The following ZNF540 variants were observed in gnomAD, a reference collection of about 807,000 sequenced individuals.
The protein encoded by ZNF540 is zinc finger protein 540.
A neutral mutation model predicts 11.8 loss-of-function variants in ZNF540; 3 were observed. The ratio of observed to expected loss-of-function variants is 0.25; its 90% CI spans 0.12 to 0.65. The LOEUF is 0.65. Ranked by LOEUF, ZNF540 falls within the 30% of genes least tolerant of loss-of-function variation. ZNF540 has a pLI of 0.83. For synonymous variants in ZNF540, 247 were observed against 259.0 expected (o/e 0.95, Z 0.45); for missense variants, 709 against 793.1 (o/e 0.89, Z 1.27).
At chr19:37,557,980 A>C (rs527846099) in intron 1 of ZNF540, among the ~76,000 whole-genome samples, 3 of 152,210 alleles carry the variant, frequency 2.0e-5, no homozygotes, top group African/African-American at 7.2e-5. Flanking sequence ...CCAGGGTCCT[A>C]AGGTCTGAGT....
chr19:37,563,589 TATGGAATACATATATGCATACATAC>T (rs1285108986), intron 1 of ZNF540: 1 of 152,062 alleles, frequency 6.6e-6, no homozygotes, highest in Admixed American at 6.6e-5. Flanking sequence ...TATATACATA[TATGGAATACATATATGCATACATAC>T]ATGGAATGTA....
intron 1 of ZNF540, chr19:37,565,879 A>C: frequency 6.2e-7 from 1 of 1,613,942 alleles, no homozygotes; most frequent in Non-Finnish European, 8.5e-7. Flanking sequence ...TCTGATGTTG[A>C]ATATAGCTTG....
intron 1 of ZNF540, among the ~76,000 whole-genome samples, chr19:37,597,244 G>T (rs1046592288): frequency 6.6e-6 from 1 of 151,928 alleles, no homozygotes; most frequent in East Asian, 1.9e-4. Context: ...GAGGGTGAAT[G>T]ATGTCCTGCA....
chr19:37,612,632 G>A lies in ZNF540; in HGVS notation c.1352G>A (p.Arg451His), dbSNP rs749623515. ...GAATGCGGGAAAGCCTTTATGCTTC[G>A]TTCAGTCCTTACTGAACATCAGAGA... ...CKECGKAFML[R>H]SVLTEHQRLH... Residue 451 changes from arginine to histidine, a missense_variant, in exon 5 of 5, where the codon CGT (arginine) becomes CAT (histidine). Transcript: ENST00000316433. 2.2e-5 allele frequency: 35 copies of A among 1,613,904 alleles called. No individual in the cohort carries two copies. Among genetic ancestry groups the A allele is most frequent in the Middle Eastern group, 1.6e-4 (1 of 6,084 alleles).
At chr19:37,599,860 C>T (rs1025976142) in intron 3 of ZNF540, 108 bp downstream of exon 3, 11 of 1,246,960 alleles carry the variant, frequency 8.8e-6, no homozygotes, top group Non-Finnish European at 1.1e-5. Context: ...TTTCTTCTCT[C>T]TTCCTCAAGG....
chr19:37,559,930 T>TAAAC (rs2042699292), intron 1 of ZNF540, among the ~76,000 whole-genome samples: 1 of 152,132 alleles, frequency 6.6e-6, no homozygotes, highest in South Asian at 2.1e-4. Context: ...CATCAAAAAA[T>TAAAC]AAACACGAAA....
At chr19:37,553,924 C>A (rs541612450) in intron 1 of ZNF540, among the ~76,000 whole-genome samples, 3 of 152,166 alleles carry the variant, frequency 2.0e-5, no homozygotes, top group African/African-American at 7.2e-5. Flanking sequence ...AATTTCCATT[C>A]GTATGTATGA....
At chr19:37,557,128 C>T (rs1338366839) in intron 1 of ZNF540, among the ~76,000 whole-genome samples, 1 of 152,172 alleles carries the variant, frequency 6.6e-6, no homozygotes, top group East Asian at 1.9e-4. Context: ...AAGGTGTCTA[C>T]TAGTACTAGA....
intron 1 of ZNF540, among the ~76,000 whole-genome samples, chr19:37,582,159 C>T (rs1407383976): frequency 6.6e-6 from 1 of 152,164 alleles, no homozygotes; most frequent in African/African-American, 2.4e-5. Flanking sequence ...CACTGTCCCA[C>T]TCTAGTTTTT....
intron 1 of ZNF540, chr19:37,584,302 C>T: frequency 1.7e-6 from 1 of 583,408 alleles, no homozygotes. Flanking sequence ...ATTCCATTAT[C>T]CAGAAAGGTC....
At position 37,612,126 on chromosome 19, in the gene ZNF540, T is replaced by G. The variant is rs775011517; in HGVS notation, c.846T>G (p.Ser282Arg). The G allele has an allele frequency of 2.5e-6, 4 of 1,611,540 alleles. No homozygotes were observed. In the South Asian group the frequency reaches 4.4e-5, roughly 18 times the overall value. ...AGAAATGTGATAAGGGTTTTTTTAGTAGATTAGAACTTACTCAACATAAAA... is the reference window on the plus strand; with the variant it reads ...AGAAATGTGATAAGGGTTTTTTTAGGAGATTAGAACTTACTCAACATAAAA... The part of the protein sequence containing the change: ...MCKKCDKGFF[S>R]RLELTQHKRI... The change falls in exon 5 of 5, where the codon AGT becomes AGG. Residue 282 changes from serine to arginine, a missense_variant. By Grantham distance (110) the Ser-to-Arg change is moderately radical (BLOSUM62 -1). Transcript: ENST00000316433.
intron 1 of ZNF540, among the ~76,000 whole-genome samples, chr19:37,579,890 T>C (rs923306128): frequency 6.6e-6 from 1 of 152,212 alleles, no homozygotes; most frequent in Non-Finnish European, 1.5e-5. Context: ...CTGATATTTT[T>C]GTCTATCCAA....
intron 1 of ZNF540, among the ~76,000 whole-genome samples, chr19:37,572,608 A>G (rs2043102190): frequency 6.6e-6 from 1 of 152,194 alleles, no homozygotes. Context: ...TATACGCCGC[A>G]GATAAGGGGG....
chr19:37,606,797 A>G (rs1055610074), intron 4 of ZNF540, among the ~76,000 whole-genome samples: 7 of 152,228 alleles, frequency 4.6e-5, no homozygotes, highest in Non-Finnish European at 8.8e-5. Flanking sequence ...CATTTTATTT[A>G]CATATATGAT....
intron 4 of ZNF540, among the ~76,000 whole-genome samples, chr19:37,607,126 T>C (rs2147231888): frequency 6.6e-6 from 1 of 152,242 alleles, no homozygotes; most frequent in East Asian, 1.9e-4. Flanking sequence ...ATTTTACTAG[T>C]TTCTGGAGTA....
rs1467472523 is a variant in ZNF540 at position 37,594,995 on chromosome 19, C to A, written c.-173C>A. 1 of 152,130 alleles carries A rather than the reference C, an allele frequency of 6.6e-6. No individual in the cohort carries two copies. The highest frequency in any genetic ancestry group is 1.5e-5 in the Non-Finnish European group (1 of 68,074). 9.4% of individuals were successfully genotyped at this position (152,130 alleles called of 1,614,324 possible). A position where few individuals can be genotyped will look rare whatever the true frequency, so the allele number is the denominator to read the frequency against. ...CTATTTCATTATACTCAAGTAACGC[C>A]CCAGAAATTCCAGAGAATCTCACAC... On this transcript the variant is annotated 5_prime_UTR_variant, in exon 1 of 5. Coordinates refer to ENST00000316433, the MANE Select transcript of ZNF540 (RefSeq NM_001172225.3).
At chr19:37,565,778 T>G (rs768091015) in intron 1 of ZNF540, 7 of 1,613,848 alleles carry the variant, frequency 4.3e-6, no homozygotes, top group Non-Finnish European at 5.9e-6. Flanking sequence ...TTCATTAGTA[T>G]GAATTTTCTG....
rs186585883 is a variant in ZNF540 at position 37,603,321 on chromosome 19, G to A, written c.232+2216G>A. ...GCCAGGAGTCTATTTCAAGATGTGAGATTTTAAGATGAAAATGATTCTATA... is the reference window on the plus strand; with the variant it reads ...GCCAGGAGTCTATTTCAAGATGTGAAATTTTAAGATGAAAATGATTCTATA... On this transcript the variant is annotated intron_variant, in intron 4 of 4. Transcript: ENST00000316433. Among the ~76,000 whole-genome samples, 370 of 152,248 alleles carry A rather than the reference G, an allele frequency of 2.4e-3. 4 individuals carry two copies. The highest frequency in any genetic ancestry group is 8.2e-3 in the African/African-American group (339 of 41,558).
At chr19:37,561,048 C>CAAAAA (rs199892724) in intron 1 of ZNF540, among the ~76,000 whole-genome samples, 52 of 73,726 alleles carry the variant, frequency 7.1e-4, no homozygotes, top group African/African-American at 1.6e-3. Context: ...CCTGTCTCTA[C>CAAAAA]AAAAAAAAAA....
Sources: allele counts gnomAD v4.1 joint callset (sites outside exome capture counted in the v4.1 genomes callset), GRCh38; gene constraint gnomAD v4.1.1; transcripts MANE v1.5; gene names NCBI Gene and HGNC (gene_info 2026-07-23, HGNC 2026-07-21).